Variants in SMAD2 observed in about 807,000 individuals in gnomAD.
The protein encoded by SMAD2 is SMAD family member 2.
A neutral mutation model predicts 64.4 loss-of-function variants in SMAD2; 8 were observed. That is an observed-to-expected ratio of 0.12 (90% CI 0.07 to 0.22). The LOEUF (loss-of-function observed/expected upper bound fraction) is 0.22, where lower values mean the gene tolerates loss of function less well. SMAD2 is among the 10% of genes least tolerant of loss of function. The pLI is 1.00. For missense variants in SMAD2, 289 were observed against 561.2 expected (o/e 0.51, Z 4.90); for synonymous variants, 203 against 195.8 (o/e 1.04, Z -0.31).
intron 2 of SMAD2, among the ~76,000 whole-genome samples, chr18:47,876,290 C>T (rs1040575152): frequency 9.9e-5 from 15 of 151,910 alleles, no homozygotes; most frequent in Admixed American, 7.9e-4. Flanking sequence ...TAAATTCTGC[C>T]TGAACAAATT....
At chr18:47,873,216 C>A (rs527580697) in intron 2 of SMAD2, among the ~76,000 whole-genome samples, 1 of 152,132 alleles carries the variant, frequency 6.6e-6, no homozygotes, top group African/African-American at 2.4e-5. Flanking sequence ...ACCAATCCCC[C>A]TTAGATAGTG....
chr18:47,915,376 GTTCA>G (rs1353036450), intron 1 of SMAD2, among the ~76,000 whole-genome samples: 1 of 152,078 alleles, frequency 6.6e-6, no homozygotes, highest in African/African-American at 2.4e-5. Flanking sequence ...CTAAATCCTA[GTTCA>G]TTCATTTTAG....
chr18:47,823,893 T>C lies in SMAD2; in HGVS notation c.*17934A>G, dbSNP rs1194853491. ...AGAAGTACAATTCCTAACAGAATAA[T>C]GCTAGCCCAGCACTTTGAGGGGACA... is the stretch of plus-strand genomic sequence containing the variant. On this transcript the variant is annotated 3_prime_UTR_variant, in exon 11 of 11. Transcript: ENST00000262160. The C allele has an allele frequency of 6.6e-6, 1 of 152,178 alleles. No individual in the cohort carries two copies. Among genetic ancestry groups the C allele is most frequent in the African/African-American group, 2.4e-5 (1 of 41,436 alleles). The allele number at this position is 152,178 out of a possible 1,614,324, so 9.4% of individuals were successfully genotyped here. A position where few individuals can be genotyped will look rare whatever the true frequency, so the allele number is the denominator to read the frequency against.
chr18:47,842,963 C>G (rs1914117027), intron 10 of SMAD2, among the ~76,000 whole-genome samples: 1 of 152,174 alleles, frequency 6.6e-6, no homozygotes, highest in Non-Finnish European at 1.5e-5. Context: ...AACAGCCCTT[C>G]AAATATGAGA....
chr18:47,892,408 C>A (rs1457328653), intron 2 of SMAD2, among the ~76,000 whole-genome samples: 2 of 152,134 alleles, frequency 1.3e-5, no homozygotes, highest in Non-Finnish European at 2.9e-5. Flanking sequence ...CTATGTTGGC[C>A]AGGCTAGTCT....
chr18:47,924,659 A>C (rs937493503), intron 1 of SMAD2, among the ~76,000 whole-genome samples: 4 of 151,980 alleles, frequency 2.6e-5, no homozygotes, highest in Non-Finnish European at 5.9e-5. Flanking sequence ...ACAAGGTTTC[A>C]CCATGTTGGC....
At chr18:47,863,246 G>A (rs1197574534) in intron 6 of SMAD2, among the ~76,000 whole-genome samples, 2 of 152,194 alleles carry the variant, frequency 1.3e-5, no homozygotes, top group African/African-American at 4.8e-5. Context: ...CTGATATTGG[G>A]TAAGAGGCTG....
intron 1 of SMAD2, among the ~76,000 whole-genome samples, chr18:47,911,317 C>T (rs2034124801): frequency 6.6e-6 from 1 of 150,844 alleles, no homozygotes; most frequent in African/African-American, 2.4e-5. Context: ...CGCCACTGCA[C>T]TCTAGTCTGG....
chr18:47,863,062 C>T (rs1416757430), intron 6 of SMAD2, among the ~76,000 whole-genome samples: 1 of 151,606 alleles, frequency 6.6e-6, no homozygotes, highest in African/African-American at 2.4e-5. Flanking sequence ...CCTCTGGTTG[C>T]CCTTTTAAAA....
chr18:47,900,951 T>C (rs2033658871), intron 1 of SMAD2, among the ~76,000 whole-genome samples: 1 of 152,190 alleles, frequency 6.6e-6, no homozygotes, highest in Non-Finnish European at 1.5e-5. Flanking sequence ...AAATCAATGA[T>C]ATTTGCTGAG....
intron 1 of SMAD2, among the ~76,000 whole-genome samples, chr18:47,924,248 C>A (rs868509474): frequency 0.016 from 1,616 of 98,956 alleles, no homozygotes; most frequent in South Asian, 0.02. Flanking sequence ...AACTCCGTCT[C>A]AAAAAAAAAA....
chr18:47,870,429 C>G (rs774402416), intron 3 of SMAD2, 46 bp downstream of exon 3: 2 of 1,382,486 alleles, frequency 1.4e-6, no homozygotes, highest in Non-Finnish European at 2.1e-6. Flanking sequence ...AAATATACCC[C>G]CCTCCCACAA....
intron 1 of SMAD2, among the ~76,000 whole-genome samples, chr18:47,919,510 ACACACACAC>A (rs1568116927): frequency 1.4e-4 from 20 of 147,918 alleles, no homozygotes; most frequent in Non-Finnish European, 2.5e-4. Context: ...ACACACACAC[ACACACACAC>A]AAAGAATAGG....
rs990775679 is a variant in SMAD2, at chr18:47,832,219, A to G, written c.*9608T>C. Reference sequence around the variant, plus strand: ...TGGAATTATGGATGCTAGGGCCATTATAAAAATCTCCTGATACAGAACAGT... The same window carrying G: ...TGGAATTATGGATGCTAGGGCCATTGTAAAAATCTCCTGATACAGAACAGT... On this transcript the variant is annotated 3_prime_UTR_variant, in exon 11 of 11. Coordinates refer to ENST00000262160, the MANE Select transcript of SMAD2 (RefSeq NM_005901.6). 3 of 152,212 alleles carry G rather than the reference A, an allele frequency of 2.0e-5. No homozygotes were observed. The highest frequency in any genetic ancestry group is 4.4e-5 in the Non-Finnish European group (3 of 68,032). 9.4% of individuals were successfully genotyped at this position (152,212 alleles called of 1,614,324 possible).
At chr18:47,866,608 C>A (rs1251548571) in intron 5 of SMAD2, among the ~76,000 whole-genome samples, 2 of 152,072 alleles carry the variant, frequency 1.3e-5, no homozygotes, top group Non-Finnish European at 2.9e-5. Context: ...TTTCAAAGAT[C>A]TAATCAGAAA....
At chr18:47,898,322 A>T (rs984086203) in intron 1 of SMAD2, among the ~76,000 whole-genome samples, 1 of 152,246 alleles carries the variant, frequency 6.6e-6, no homozygotes, top group African/African-American at 2.4e-5. Context: ...AAAATCTAGG[A>T]TATTAATATG....
chr18:47,846,411 A>T (rs1598747763), intron 8 of SMAD2, among the ~76,000 whole-genome samples: 2 of 152,192 alleles, frequency 1.3e-5, no homozygotes, highest in African/African-American at 4.8e-5. Flanking sequence ...GAGTTCTAAC[A>T]TGACACCTAA....
At position 47,839,092 on chromosome 18, in the gene SMAD2, C is replaced by T. The variant is rs760185876; in HGVS notation, c.*2735G>A. On this transcript the variant is annotated 3_prime_UTR_variant, in exon 11 of 11. Coordinates refer to ENST00000262160, the MANE Select transcript of SMAD2 (RefSeq NM_005901.6). ...TCATCTCGTTAAAAAGCATCAAACA[C>T]ATTCACACAAATGTAATTACAACCA... 1.7e-5 allele frequency: 4 copies of T among 233,160 alleles called. No individual in the cohort carries two copies. The highest frequency in any genetic ancestry group is 6.6e-5 in the African/African-American group (3 of 45,300). 14.4% of individuals were successfully genotyped at this position (233,160 alleles called of 1,614,324 possible).
At chr18:47,923,890 A>G (rs1189640712) in intron 1 of SMAD2, among the ~76,000 whole-genome samples, 1 of 152,154 alleles carries the variant, frequency 6.6e-6, no homozygotes, top group African/African-American at 2.4e-5. Flanking sequence ...CTGATAACTA[A>G]AACATTTTTT....
Sources: gnomAD v4.1 joint callset for allele counts (sites outside exome capture counted in the v4.1 genomes callset) on GRCh38, gnomAD v4.1.1 for gene constraint, MANE v1.5 for transcripts, NCBI Gene and HGNC (gene_info 2026-07-23, HGNC 2026-07-21) for gene names.